Variants in CFAP157 observed in about 807,000 individuals in gnomAD.
CFAP157 encodes cilia- and flagella-associated protein 157.
In CFAP157, 43 loss-of-function variants were observed where a neutral mutation model predicts 57.8. That is an observed-to-expected ratio of 0.74 (90% confidence interval 0.58 to 0.96). The LOEUF (loss-of-function observed/expected upper bound fraction) is 0.96, where lower values mean the gene tolerates loss of function less well. Among genes scored for constraint, CFAP157 ranks in the 40% least tolerant of loss-of-function variants. The probability of loss-of-function intolerance (pLI) is 0.00; values close to 1 mark genes in which losing one functional copy is unlikely to be tolerated. For missense variants in CFAP157, 606 were observed against 655.3 expected, an observed-to-expected ratio of 0.92 and a Z score of 0.82; for synonymous variants, 267 against 269.0, an observed-to-expected ratio of 0.99 and a Z score of 0.07.
intron 1 of CFAP157, among the ~76,000 whole-genome samples, chr9:127,707,468 C>A (rs1842673137): frequency 6.6e-6 from 1 of 152,192 alleles, no homozygotes; most frequent in Non-Finnish European, 1.5e-5. Flanking sequence ...CCCACGTCCC[C>A]CTGCCTCACT....
In CFAP157 at chr9:127,709,728, C is replaced by T. The variant is rs1488592469; in HGVS notation, c.433+35C>T. 6.3e-7 allele frequency: 1 copy of T among 1,598,478 alleles called. No individual in the cohort carries two copies. The stretch of plus-strand genomic sequence containing the variant: ...GGACTGGCTGGTGAGCCTGCAGGCA[C>T]ACATCCCAGCTCTATCACTGACCCT... On this transcript the variant is annotated intron_variant, in intron 2 of 8. Transcript: ENST00000373295. This position sits in a 1 kb window ranked among gnomAD's most constrained non-coding sequence, Gnocchi z 4.7.
chr9:127,715,310 A>T lies in CFAP157; in HGVS notation c.*1405A>T. ...AACGCAGAGCAACGCTGCAGTGGGG[A>T]AGGGGCGCGAAGAAGGGGCCCAGAA... is the stretch of plus-strand genomic sequence containing the variant. On this transcript the variant is annotated 3_prime_UTR_variant, in exon 9 of 9. Transcript: ENST00000373295. This position sits in a 1 kb window ranked among gnomAD's most constrained non-coding sequence, Gnocchi z 5.8. 1 of 1,323,120 alleles carries T rather than the reference A, an allele frequency of 7.6e-7. No homozygotes were observed. The highest frequency in any genetic ancestry group is 1.0e-6 in the Non-Finnish European group (1 of 952,588). 82.0% of individuals were successfully genotyped at this position (1,323,120 alleles called of 1,614,324 possible). A position where few individuals can be genotyped will look rare whatever the true frequency, so the allele number is the denominator to read the frequency against.
chr9:127,707,013 G>C lies in CFAP157; in HGVS notation c.-19G>C, dbSNP rs763173654. 1.2e-6 allele frequency: 2 copies of C among 1,612,836 alleles called. No individual in the cohort carries two copies. Among genetic ancestry groups the C allele is most frequent in the South Asian group, 1.1e-5 (1 of 91,038 alleles). On this transcript the variant is annotated 5_prime_UTR_variant, in exon 1 of 9. Transcript: ENST00000373295. ...ACCTGGCCTCTTCCTGGGGCCTGGA[G>C]CCCTGGTTGCCATCAGCCATGGCTC...
At chr9:127,711,517 A>C in intron 4 of CFAP157, 21 bp downstream of exon 4, 1 of 1,606,654 alleles carries the variant, frequency 6.2e-7, no homozygotes, top group Non-Finnish European at 8.5e-7. Flanking sequence ...AGGCCTCAGC[A>C]CAGGGCATTT....
Position 127,712,458 on chromosome 9 carries a change from TGA to T in CFAP157, c.1137+114_1137+115del, listed in dbSNP as rs977600229. 15 of 1,487,062 alleles carry T rather than the reference TGA, an allele frequency of 1.0e-5. No individual in the cohort carries two copies. In the African/African-American group the frequency reaches 2.0e-4, roughly 19 times the overall value. 92.1% of individuals were successfully genotyped at this position (1,487,062 alleles called of 1,614,324 possible). On this transcript the variant is annotated intron_variant, in intron 6 of 8. Transcript: ENST00000373295. ...CAGGATCAGAGGCCCCTCTTTTCCC[TGA>T]GAGACTCCTGGAAAGTCTGTCCTTC...
Position 127,707,088 on chromosome 9 carries a change from AG to A in CFAP157, c.62del (p.Gly21AlafsTer17). 6.2e-7 allele frequency: 1 copy of A among 1,613,890 alleles called. No individual in the cohort carries two copies. The stretch of plus-strand genomic sequence containing the variant: ...GCAAGGAGCTTGAAGTCAAGAAGAA[AG>A]GGGGCAAGAAGGAGCCGGTGGTGGC... ...AGKELEVKKK[G>X]GKKEPVVAVE... On this transcript the variant is annotated frameshift_variant, in exon 1 of 9. Transcript: ENST00000373295. LOFTEE classifies it high-confidence loss of function.
rs759050313 is a variant in CFAP157 at position 127,713,082 on chromosome 9, C to G, written c.1367C>G (p.Pro456Arg). 2 of 1,613,866 alleles carry G rather than the reference C, an allele frequency of 1.2e-6. No homozygotes were observed. The highest frequency in any genetic ancestry group is 1.7e-5 in the Admixed American group (1 of 59,950). ...SLLPQLSDIT[P>R]YQPGDLGLVP... The stretch of plus-strand genomic sequence containing the variant: ...CTGCCGCAGCTCTCTGACATCACCC[C>G]CTACCAGCCGGGGGATCTAGGCCTG... Residue 456 changes from proline (P) to arginine (R), a missense_variant, in exon 8 of 9, where the codon CCC (proline) becomes CGC (arginine). Pro to Arg is a moderately radical substitution (Grantham distance 103). Transcript: ENST00000373295.
Position 127,715,825 on chromosome 9 carries a change from C to G in CFAP157, c.*1920C>G. ...CCGGGAACCCAGGCGCCTTCAGTAG[C>G]GCGGCGTCACAGTGTCCCTTCGGGA... On this transcript the variant is annotated 3_prime_UTR_variant, in exon 9 of 9. Transcript: ENST00000373295. The surrounding 1 kb of genome is among the most constrained non-coding windows in gnomAD (Gnocchi z 5.8). 1.7e-6 allele frequency: 2 copies of G among 1,177,894 alleles called. No individual in the cohort carries two copies. The highest frequency in any genetic ancestry group is 2.4e-6 in the Non-Finnish European group (2 of 843,860). The allele number at this position is 1,177,894 out of a possible 1,614,324, so 73.0% of individuals were successfully genotyped here.
At position 127,714,119 on chromosome 9, in the gene CFAP157, C is replaced by G. The variant is rs767993669; in HGVS notation, c.*214C>G. 2.5e-6 allele frequency: 4 copies of G among 1,613,140 alleles called. No individual in the cohort carries two copies. Among genetic ancestry groups the G allele is most frequent in the Non-Finnish European group, 3.4e-6 (4 of 1,179,840 alleles). On this transcript the variant is annotated 3_prime_UTR_variant, in exon 9 of 9. Transcript: ENST00000373295. ...CTAGTGTCACGGCCCCAGTGAGGGC[C>G]CCTGGCTTCGCTCACGGATGTGGTC...
Position 127,709,720 on chromosome 9 carries a change from T to G in CFAP157, c.433+27T>G. On this transcript the variant is annotated intron_variant, in intron 2 of 8. Transcript: ENST00000373295. The surrounding 1 kb of genome is among the most constrained non-coding windows in gnomAD (Gnocchi z 4.7). ...TGAGGAGGGGACTGGCTGGTGAGCC[T>G]GCAGGCACACATCCCAGCTCTATCA... 1 of 1,603,722 alleles carries G rather than the reference T, an allele frequency of 6.2e-7. No individual in the cohort carries two copies. The highest frequency in any genetic ancestry group is 8.5e-7 in the Non-Finnish European group (1 of 1,174,050).
rs1341257883 is a variant in CFAP157 at position 127,713,556 on chromosome 9, G to C, written c.1492-278G>C. On this transcript the variant is annotated intron_variant, in intron 8 of 8. Coordinates refer to ENST00000373295, the MANE Select transcript of CFAP157 (RefSeq NM_001012502.3). ...GAGTCTCACTCTGTCACCCAGACTG[G>C]AGTGCAGTGCCACAATCTCAGCTCA... 3 of 303,908 alleles carry C rather than the reference G, an allele frequency of 9.9e-6. No individual in the cohort carries two copies. In the Admixed American group the frequency reaches 1.5e-4, roughly 16 times the overall value. 18.8% of individuals were successfully genotyped at this position (303,908 alleles called of 1,614,324 possible). A position where few individuals can be genotyped will look rare whatever the true frequency, so the allele number is the denominator to read the frequency against.
intron 8 of CFAP157, chr9:127,713,610 G>C (rs545919288): frequency 2.5e-6 from 1 of 397,590 alleles, no homozygotes; most frequent in Admixed American, 4.0e-5. Context: ...AGGTTCAAGT[G>C]ATTCTCCTGC....
Position 127,714,926 on chromosome 9 carries a change from A to ACCCCAC in CFAP157, c.*1025_*1026insACCCCC. ...GCTCCCCTCTGGCCCCCGCGCCCCA[A>ACCCCAC]CCCCCACCCCCTTGGCCCGCCCGCC... is the stretch of plus-strand genomic sequence containing the variant. On this transcript the variant is annotated 3_prime_UTR_variant, in exon 9 of 9. Transcript: ENST00000373295. The ACCCCAC allele has an allele frequency of 1.6e-6, 1 of 629,318 alleles. No homozygotes were observed. Among genetic ancestry groups the ACCCCAC allele is most frequent in the African/African-American group, 2.0e-5 (1 of 50,750 alleles). The allele number at this position is 629,318 out of a possible 1,614,324, so 39.0% of individuals were successfully genotyped here. A position where few individuals can be genotyped will look rare whatever the true frequency, so the allele number is the denominator to read the frequency against.
At chr9:127,708,865 G>C (rs964319028) in intron 1 of CFAP157, among the ~76,000 whole-genome samples, 3 of 152,256 alleles carry the variant, frequency 2.0e-5, no homozygotes, top group Admixed American at 6.5e-5. Context: ...GGAGATGCCA[G>C]GTACAAAGAC....
In CFAP157 at chr9:127,711,810, G is replaced by A. The variant is rs772667243; in HGVS notation, c.856-10G>A. 13 of 1,556,238 alleles carry A rather than the reference G, an allele frequency of 8.4e-6. No homozygotes were observed. The highest frequency in any genetic ancestry group is 8.3e-5 in the South Asian group (7 of 84,138). ...AGGCTGAGGGCATGGCCACCTGTCCGCACCCGCAGATCATCCTCATGCTGA... is the reference window on the plus strand; with the variant it reads ...AGGCTGAGGGCATGGCCACCTGTCCACACCCGCAGATCATCCTCATGCTGA... On this transcript the variant is annotated splice_polypyrimidine_tract_variant and intron_variant, in intron 4 of 8. Transcript: ENST00000373295.
chr9:127,712,781 CTGCT>C lies in CFAP157; in HGVS notation c.1211_1214del (p.Leu404ArgfsTer58). 1 of 1,614,212 alleles carries C rather than the reference CTGCT, an allele frequency of 6.2e-7. No homozygotes were observed. Among genetic ancestry groups the C allele is most frequent in the Non-Finnish European group, 8.5e-7 (1 of 1,180,026 alleles). On this transcript the variant is annotated frameshift_variant, in exon 7 of 9. Transcript: ENST00000373295. LOFTEE classifies it high-confidence loss of function. ...ATGGCACAAGGAGATGCTGCAGCAACTGCTGGTCATGCTCAGCTCCACTGTGGCC... is the reference window on the plus strand; with the variant it reads ...ATGGCACAAGGAGATGCTGCAGCAACGGTCATGCTCAGCTCCACTGTGGCC...
chr9:127,714,918 GCGCCCCAACCCCCACCCCCTTGGCCCGCC>G lies in CFAP157; in HGVS notation c.*1019_*1047del. The G allele has an allele frequency of 7.5e-6, 3 of 398,844 alleles. No individual in the cohort carries two copies. Among genetic ancestry groups the G allele is most frequent in the Non-Finnish European group, 1.4e-5 (3 of 220,030 alleles). 24.7% of individuals were successfully genotyped at this position (398,844 alleles called of 1,614,324 possible). On this transcript the variant is annotated 3_prime_UTR_variant, in exon 9 of 9. Coordinates refer to ENST00000373295, the MANE Select transcript of CFAP157 (RefSeq NM_001012502.3). Reference sequence around the variant, plus strand: ...CAGCCAGTGCTCCCCTCTGGCCCCCGCGCCCCAACCCCCACCCCCTTGGCCCGCCCGCCCACCCCTGGCGCTCTCAACTC... The same window carrying G: ...CAGCCAGTGCTCCCCTCTGGCCCCCGCGCCCACCCCTGGCGCTCTCAACTC...
Position 127,713,880 on chromosome 9 carries a change from C to T in CFAP157, c.1538C>T (p.Pro513Leu), listed in dbSNP as rs1842829567. Residue 513 changes from proline to leucine, a missense_variant, in exon 9 of 9, where the codon CCT becomes CTT. Coordinates refer to ENST00000373295, the MANE Select transcript of CFAP157 (RefSeq NM_001012502.3). Reference protein sequence around the residue: ...SLKRLEKFSLPEVPLRPK With the variant: ...SLKRLEKFSLLEVPLRPK ...AAAAGGCTTGAAAAGTTTAGTCTTCCTGAAGTTCCCCTACGTCCCAAGTAG... is the reference window on the plus strand; with the variant it reads ...AAAAGGCTTGAAAAGTTTAGTCTTCTTGAAGTTCCCCTACGTCCCAAGTAG... 2.5e-6 allele frequency: 4 copies of T among 1,613,840 alleles called. No individual in the cohort carries two copies. The highest frequency in any genetic ancestry group is 1.7e-5 in the Admixed American group (1 of 59,994).
Position 127,714,400 on chromosome 9 carries a change from G to A in CFAP157, c.*495G>A, listed in dbSNP as rs754846701. On this transcript the variant is annotated 3_prime_UTR_variant, in exon 9 of 9. Transcript: ENST00000373295. ...TCACATTGGAGTTGAGGCAGCTAAT[G>A]CAGGAACGGACTCCATTGTGGCCCC... 8.7e-6 allele frequency: 14 copies of A among 1,614,118 alleles called. No individual in the cohort carries two copies. The highest frequency in any genetic ancestry group is 1.2e-5 in the Non-Finnish European group (14 of 1,180,046).
Sources: allele counts gnomAD v4.1 joint callset (sites outside exome capture counted in the v4.1 genomes callset), GRCh38; gene constraint gnomAD v4.1.1; non-coding constraint Gnocchi (gnomAD v3.1); transcripts MANE v1.5; gene names NCBI Gene and HGNC (gene_info 2026-07-23, HGNC 2026-07-21).